LRRTM4: variants seen among roughly 807,000 people sequenced by gnomAD.
LRRTM4 encodes the protein leucine-rich repeat transmembrane neuronal protein 4.
In LRRTM4, 25 loss-of-function variants were observed where a neutral mutation model predicts 47.6. That is an observed-to-expected ratio of 0.53 (90% CI 0.38 to 0.73). The LOEUF (loss-of-function observed/expected upper bound fraction) is 0.73. Among genes scored for constraint, LRRTM4 ranks in the 30% least tolerant of loss-of-function variants. The pLI, the probability that LRRTM4 is intolerant of heterozygous loss-of-function variation, is 0.00. For missense variants in LRRTM4, 638 were observed against 713.4 expected (o/e 0.89, Z 1.20); for synonymous variants, 311 against 269.5 (o/e 1.15, Z -1.51).
Position 76,748,654 on chromosome 2 carries a change from T to TCC in LRRTM4, c.*39_*40dup. ...TCTCCTTTAAGATGAAGGCCCTCCC[T>TCC]CCCCCCCATGGAGCTCCCCAGTGAG... On this transcript the variant is annotated 3_prime_UTR_variant, in exon 4 of 4. Coordinates refer to ENST00000409884, the MANE Select transcript of LRRTM4 (RefSeq NM_001134745.3). The TCC allele has an allele frequency of 1.4e-6, 1 of 704,640 alleles. No individual in the cohort carries two copies. Among genetic ancestry groups the TCC allele is most frequent in the Non-Finnish European group, 2.5e-6 (1 of 397,358 alleles). The allele number at this position is 704,640 out of a possible 1,614,324, so 43.6% of individuals were successfully genotyped here. A position where few individuals can be genotyped will look rare whatever the true frequency, so the allele number is the denominator to read the frequency against.
intron 3 of LRRTM4, among the ~76,000 whole-genome samples, chr2:76,794,080 G>C (rs760126312): frequency 6.6e-6 from 1 of 152,218 alleles, no homozygotes; most frequent in Non-Finnish European, 1.5e-5. Context: ...AAAAGCGGTT[G>C]TCAGTCTCCT....
intron 3 of LRRTM4, among the ~76,000 whole-genome samples, chr2:77,472,069 C>T (rs1032552355): frequency 1.3e-5 from 2 of 152,096 alleles, no homozygotes; most frequent in African/African-American, 2.4e-5. Flanking sequence ...TTTCAGCTCT[C>T]ATATTTAAAC....
chr2:76,859,802 G>A (rs1227059226), intron 3 of LRRTM4, among the ~76,000 whole-genome samples: 1 of 151,936 alleles, frequency 6.6e-6, no homozygotes, highest in Admixed American at 6.6e-5. Context: ...TCCCCTGGTT[G>A]TGACCTGAAC....
chr2:76,943,825 T>A (rs776129052), intron 3 of LRRTM4, among the ~76,000 whole-genome samples: 1 of 152,204 alleles, frequency 6.6e-6, no homozygotes, highest in African/African-American at 2.4e-5. Context: ...AGCCTTAATG[T>A]CTTGCTTATC....
chr2:77,433,705 G>T (rs1469706962), intron 3 of LRRTM4, among the ~76,000 whole-genome samples: 1 of 152,064 alleles, frequency 6.6e-6, no homozygotes, highest in Non-Finnish European at 1.5e-5. Context: ...CCAAAAAGAA[G>T]GATTTCTTGG....
intron 3 of LRRTM4, among the ~76,000 whole-genome samples, chr2:77,050,123 C>T (rs1450465570): frequency 6.9e-6 from 1 of 143,916 alleles, no homozygotes; most frequent in Non-Finnish European, 1.5e-5. Context: ...TTGTTAGAAC[C>T]AAGTCTTTTT....
chr2:76,806,005 C>T (rs1675946835), intron 3 of LRRTM4, among the ~76,000 whole-genome samples: 1 of 152,124 alleles, frequency 6.6e-6, no homozygotes. Flanking sequence ...GGGTTGGGAC[C>T]TGATATTGTT....
chr2:77,076,075 A>G (rs1374329276), intron 3 of LRRTM4, among the ~76,000 whole-genome samples: 1 of 152,100 alleles, frequency 6.6e-6, no homozygotes, highest in African/African-American at 2.4e-5. Context: ...AAGACTTTTG[A>G]CATTTACATA....
At position 77,521,789 on chromosome 2, in the gene LRRTM4, C is replaced by T. The variant is rs1273967142; in HGVS notation, c.-118G>A. ...CGGCTGTCATTCACACCATTCTGAT[C>T]CCGCATGTGAGCTAGTAGCCCCATA... is the stretch of plus-strand genomic sequence containing the variant. On this transcript the variant is annotated 5_prime_UTR_variant, in exon 2 of 4. Coordinates refer to ENST00000409884, the MANE Select transcript of LRRTM4 (RefSeq NM_001134745.3). 6 of 1,086,040 alleles carry T rather than the reference C, an allele frequency of 5.5e-6. No individual in the cohort carries two copies. Among genetic ancestry groups the T allele is most frequent in the Non-Finnish European group, 8.2e-6 (6 of 728,188 alleles). 67.3% of individuals were successfully genotyped at this position (1,086,040 alleles called of 1,614,324 possible).
intron 3 of LRRTM4, among the ~76,000 whole-genome samples, chr2:76,843,217 G>A (rs889104138): frequency 6.6e-6 from 1 of 152,112 alleles, no homozygotes; most frequent in African/African-American, 2.4e-5. Context: ...AGGAAACAAG[G>A]GAGGAGTCAG....
intron 3 of LRRTM4, among the ~76,000 whole-genome samples, chr2:77,258,513 C>T (rs1675830215): frequency 6.6e-6 from 1 of 151,794 alleles, no homozygotes; most frequent in Admixed American, 6.6e-5. Flanking sequence ...ATGAGGAACC[C>T]TGAATATATA....
At chr2:77,503,021 A>T (rs1358670607) in intron 3 of LRRTM4, among the ~76,000 whole-genome samples, 1 of 151,422 alleles carries the variant, frequency 6.6e-6, no homozygotes, top group Admixed American at 6.6e-5. Context: ...AAAATCTGTG[A>T]AGGCAGGGCC....
intron 3 of LRRTM4, among the ~76,000 whole-genome samples, chr2:77,198,548 T>A (rs143685513): frequency 6.2e-4 from 95 of 152,312 alleles, no homozygotes; most frequent in African/African-American, 2.2e-3. Flanking sequence ...ATTCCATCAA[T>A]TGAAGTTGAA....
At chr2:77,269,013 C>G (rs1400980208) in intron 3 of LRRTM4, among the ~76,000 whole-genome samples, 1 of 152,116 alleles carries the variant, frequency 6.6e-6, no homozygotes, top group Non-Finnish European at 1.5e-5. Context: ...AGCTTGAGAA[C>G]CACTGAACCT....
intron 3 of LRRTM4, among the ~76,000 whole-genome samples, chr2:77,263,884 C>T (rs1558659506): frequency 2.0e-5 from 3 of 151,968 alleles, no homozygotes; most frequent in Non-Finnish European, 4.4e-5. Context: ...TCTCATTTTC[C>T]TCTTGAGGAG....
At chr2:76,924,045 T>C (rs1407838175) in intron 3 of LRRTM4, among the ~76,000 whole-genome samples, 1 of 152,114 alleles carries the variant, frequency 6.6e-6, no homozygotes, top group Non-Finnish European at 1.5e-5. Flanking sequence ...ATTGGGAATA[T>C]GTGCTGACAT....
chr2:77,128,157 A>G (rs1177112681), intron 3 of LRRTM4, among the ~76,000 whole-genome samples: 14 of 151,972 alleles, frequency 9.2e-5, no homozygotes, highest in Non-Finnish European at 1.5e-4. Context: ...AAAAAAACAA[A>G]ACAAAACAAA....
chr2:77,110,383 C>T (rs1671217743), intron 3 of LRRTM4, among the ~76,000 whole-genome samples: 1 of 152,054 alleles, frequency 6.6e-6, no homozygotes, highest in Non-Finnish European at 1.5e-5. Context: ...ACTAACACAA[C>T]CTTGCTAAAG....
At chr2:77,034,860 A>T (rs1050675739) in intron 3 of LRRTM4, among the ~76,000 whole-genome samples, 1 of 151,846 alleles carries the variant, frequency 6.6e-6, no homozygotes. Flanking sequence ...ATTCTTAGAA[A>T]TTATTCTATA....
Sources: allele counts gnomAD v4.1 joint callset (sites outside exome capture counted in the v4.1 genomes callset), GRCh38; gene constraint gnomAD v4.1.1; transcripts MANE v1.5; gene names NCBI Gene and HGNC (gene_info 2026-07-23, HGNC 2026-07-21).